Variants in CCDC60 observed in about 807,000 individuals in gnomAD.
The protein encoded by CCDC60 is coiled-coil domain-containing protein 60.
In CCDC60, 54 loss-of-function variants were observed where a neutral mutation model predicts 63.5. The ratio of observed to expected loss-of-function variants is 0.85; its 90% CI spans 0.68 to 1.07. The LOEUF is 1.07. Ranked by LOEUF, CCDC60 falls within the 50% of genes least tolerant of loss-of-function variation. The pLI is 0.00. For synonymous variants in CCDC60, 206 were observed against 238.8 expected (o/e 0.86, Z 1.27); for missense variants, 651 against 684.3 (o/e 0.95, Z 0.54).
intron 1 of CCDC60, among the ~76,000 whole-genome samples, chr12:119,413,174 T>A (rs569564779): frequency 3.9e-5 from 6 of 152,184 alleles, no homozygotes; most frequent in Non-Finnish European, 8.8e-5. Flanking sequence ...ATGAGATTAA[T>A]GCATTTGATT....
At chr12:119,342,471 C>A (rs943991311) in intron 1 of CCDC60, among the ~76,000 whole-genome samples, 1 of 152,124 alleles carries the variant, frequency 6.6e-6, no homozygotes, top group South Asian at 2.1e-4. Flanking sequence ...CAGTGACTTG[C>A]ACAAATGATT....
chr12:119,450,357 T>C (rs1018787806), intron 2 of CCDC60, among the ~76,000 whole-genome samples: 1 of 152,158 alleles, frequency 6.6e-6, no homozygotes, highest in Non-Finnish European at 1.5e-5. Flanking sequence ...TTCATTGATA[T>C]ATATGCAATA....
At chr12:119,369,743 C>A (rs1480889467) in intron 1 of CCDC60, among the ~76,000 whole-genome samples, 1 of 152,148 alleles carries the variant, frequency 6.6e-6, no homozygotes, top group Non-Finnish European at 1.5e-5. Flanking sequence ...GTTGAAGCAG[C>A]ATCCCGTATG....
At chr12:119,478,971 A>C (rs1270019505) in intron 3 of CCDC60, 123 bp from the exon 4 acceptor site, 2 of 707,672 alleles carry the variant, frequency 2.8e-6, no homozygotes, top group Non-Finnish European at 5.0e-6. Context: ...TCCAGCAGAA[A>C]TTATTTGCCT....
intron 1 of CCDC60, among the ~76,000 whole-genome samples, chr12:119,358,183 A>T (rs1480194514): frequency 6.6e-6 from 1 of 152,156 alleles, no homozygotes; most frequent in Admixed American, 6.5e-5. Flanking sequence ...ACAATTCAAC[A>T]TGAGATTTGG....
At chr12:119,463,116 G>A (rs918295134) in intron 2 of CCDC60, among the ~76,000 whole-genome samples, 4 of 152,182 alleles carry the variant, frequency 2.6e-5, no homozygotes, top group South Asian at 2.1e-4. Context: ...GAGCTGCCAC[G>A]CCTAGCCTCA....
chr12:119,529,294 A>G (rs537288270), intron 12 of CCDC60, among the ~76,000 whole-genome samples: 1 of 152,196 alleles, frequency 6.6e-6, no homozygotes, highest in South Asian at 2.1e-4. Flanking sequence ...CCCCCAACAA[A>G]ATAATCCTGA....
rs201339940 is a variant in CCDC60, at chr12:119,523,697, A to G, written c.1108A>G (p.Thr370Ala). The change falls in exon 11 of 14, where the codon ACT becomes GCT. Residue 370 changes from threonine to alanine, a missense_variant. Coordinates refer to ENST00000327554, the MANE Select transcript of CCDC60 (RefSeq NM_178499.5). ...CCTTCTTATCTGTGTCCACAGCCGC[A>G]CTAATTGTGACATCAACATCCACTA... ...QPVQKKSKNRTNCDINIHYKS... is the reference protein window; with the variant it reads ...QPVQKKSKNRANCDINIHYKS... The G allele has an allele frequency of 1.7e-5, 28 of 1,614,068 alleles. No individual in the cohort carries two copies. The Admixed American group carries it at 4.2e-4, about 24-fold the overall frequency.
intron 2 of CCDC60, among the ~76,000 whole-genome samples, chr12:119,434,938 T>A (rs1392701233): frequency 6.6e-6 from 1 of 152,168 alleles, no homozygotes; most frequent in Non-Finnish European, 1.5e-5. Flanking sequence ...GAGATGGATA[T>A]AATCTGATTT....
chr12:119,451,680 T>G (rs1950638494), intron 2 of CCDC60, among the ~76,000 whole-genome samples: 1 of 152,208 alleles, frequency 6.6e-6, no homozygotes, highest in Admixed American at 6.5e-5. Flanking sequence ...TCAATTTTTG[T>G]ATCTTTCCTC....
chr12:119,452,553 A>C (rs1214116635), intron 2 of CCDC60, among the ~76,000 whole-genome samples: 1 of 152,174 alleles, frequency 6.6e-6, no homozygotes, highest in Non-Finnish European at 1.5e-5. Flanking sequence ...GGCTAGCAAC[A>C]CTACTGAGGG....
intron 2 of CCDC60, among the ~76,000 whole-genome samples, chr12:119,452,548 G>A (rs577913779): frequency 2.0e-5 from 3 of 152,270 alleles, no homozygotes; most frequent in African/African-American, 7.2e-5. Context: ...AATGAGGCTA[G>A]CAACACTACT....
intron 2 of CCDC60, among the ~76,000 whole-genome samples, chr12:119,433,169 A>G (rs1950262951): frequency 7.2e-6 from 1 of 139,626 alleles, no homozygotes; most frequent in Admixed American, 7.4e-5. Flanking sequence ...GAGAGTTGTT[A>G]AACATTCACC....
At chr12:119,535,346 TG>T (rs1250436623) in intron 13 of CCDC60, among the ~76,000 whole-genome samples, 1 of 152,224 alleles carries the variant, frequency 6.6e-6, no homozygotes, top group Non-Finnish European at 1.5e-5. Context: ...TCAATTTTGT[TG>T]ATCTTTTCAA....
intron 1 of CCDC60, among the ~76,000 whole-genome samples, chr12:119,361,455 T>C (rs1345320405): frequency 1.3e-5 from 2 of 152,132 alleles, no homozygotes; most frequent in African/African-American, 4.8e-5. Context: ...AGCTCTTTAT[T>C]GAGTGTCAAA....
chr12:119,410,203 G>GTGTGTGTC lies in CCDC60; in HGVS notation c.91-18473_91-18472insCTGTGTGT, dbSNP rs1555237250. On this transcript the variant is annotated intron_variant, in intron 1 of 13. Transcript: ENST00000327554. The surrounding 1 kb of genome is among the most constrained non-coding windows in gnomAD (Gnocchi z 4.0). ...AAAGAGTGTGTGTGTGTGTGTGTCT[G>GTGTGTGTC]TGTGTGTGTGTGTGTGTGGTTTCCA... is the stretch of plus-strand genomic sequence containing the variant. 6.6e-5 allele frequency among the ~76,000 whole-genome samples: 5 copies of GTGTGTGTC among 75,330 alleles called. No individual in the cohort carries two copies. The highest frequency in any genetic ancestry group is 2.6e-4 in the African/African-American group (5 of 19,326). The allele number at this position is 75,330 out of a possible 152,430, so 49.4% of individuals were successfully genotyped here. A position where few individuals can be genotyped will look rare whatever the true frequency, so the allele number is the denominator to read the frequency against.
At chr12:119,392,316 G>A (rs902282531) in intron 1 of CCDC60, among the ~76,000 whole-genome samples, 1 of 152,186 alleles carries the variant, frequency 6.6e-6, no homozygotes, top group Non-Finnish European at 1.5e-5. Context: ...CTGTTGGACT[G>A]TAGCCAGCTT....
At chr12:119,369,479 T>G (rs1027487660) in intron 1 of CCDC60, among the ~76,000 whole-genome samples, 29 of 152,200 alleles carry the variant, frequency 1.9e-4, no homozygotes, top group African/African-American at 7.0e-4. Context: ...GCTGCAGAAC[T>G]TTAAAGCCCA....
At chr12:119,536,076 T>A (rs1952996515) in intron 13 of CCDC60, among the ~76,000 whole-genome samples, 1 of 152,222 alleles carries the variant, frequency 6.6e-6, no homozygotes, top group Admixed American at 6.5e-5. Context: ...CTCTAAGGCC[T>A]TGCTTTTTGA....
Sources: gnomAD v4.1 joint callset for allele counts (sites outside exome capture counted in the v4.1 genomes callset) on GRCh38, gnomAD v4.1.1 for gene constraint, Gnocchi (gnomAD v3.1) non-coding constraint, MANE v1.5 for transcripts, NCBI Gene and HGNC (gene_info 2026-07-23, HGNC 2026-07-21) for gene names.